Variants in MARCHF11 observed in about 807,000 individuals in gnomAD.
MARCHF11 encodes the protein E3 ubiquitin-protein ligase MARCHF11.
A neutral mutation model predicts 37.3 loss-of-function variants in MARCHF11; 29 were observed. The ratio of observed to expected loss-of-function variants is 0.78; its 90% CI spans 0.58 to 1.06. MARCHF11 has a LOEUF of 1.06. MARCHF11 is among the 50% of genes least tolerant of loss of function. The probability of loss-of-function intolerance (pLI) is 0.00; values close to 1 mark genes in which losing one functional copy is unlikely to be tolerated. For missense variants in MARCHF11, 482 were observed against 533.4 expected (o/e 0.90, Z 0.95); for synonymous variants, 233 against 228.0 (o/e 1.02, Z -0.20).
At position 16,160,384 on chromosome 5, in the gene MARCHF11, A is replaced by G. The variant is rs192858417; in HGVS notation, c.693+17342T>C. ...TTAATATATAAATATTAAATATAAT[A>G]ATATAATATATATTTATATAATTTT... On this transcript the variant is annotated intron_variant, in intron 2 of 3. Coordinates refer to ENST00000332432, the MANE Select transcript of MARCHF11 (RefSeq NM_001102562.3). Among the ~76,000 whole-genome samples, 1,296 of 145,232 alleles carry G rather than the reference A, an allele frequency of 8.9e-3. 10 individuals are homozygous for G. Among genetic ancestry groups the G allele is most frequent in the Non-Finnish European group, 0.015 (989 of 66,228 alleles).
chr5:16,179,269 C>G lies in MARCHF11; in HGVS notation c.307G>C (p.Gly103Arg). 7.6e-7 allele frequency: 1 copy of G among 1,310,436 alleles called. No homozygotes were observed. 81.2% of individuals were successfully genotyped at this position (1,310,436 alleles called of 1,614,324 possible). ...TCCGGGAGGCGCCTCGGACCTTCCCCGGAGTCGCCGGCCGCCGCCACTTCC... is the reference window on the plus strand; with the variant it reads ...TCCGGGAGGCGCCTCGGACCTTCCCGGGAGTCGCCGGCCGCCGCCACTTCC... ...GQEVAAAGDS[G>R]EGPRRLPEAA... is the part of the protein sequence containing the mutation. The change falls in exon 1 of 4, where the codon GGG (glycine) becomes CGG (arginine). Residue 103 changes from glycine (G) to arginine (R), a missense_variant. Transcript: ENST00000332432.
intron 2 of MARCHF11, among the ~76,000 whole-genome samples, chr5:16,149,128 C>T (rs1737850470): frequency 6.6e-6 from 1 of 152,068 alleles, no homozygotes; most frequent in South Asian, 2.1e-4. Flanking sequence ...ACTGCTAAAT[C>T]CCTTCTCATT....
chr5:16,067,329 T>C lies in MARCHF11; in HGVS notation c.*142A>G. ...ACTCTTTTTCTCAGAAAAATGTATTTGCAATTCAAATGTTCATATAAAAAG... is the reference window on the plus strand; with the variant it reads ...ACTCTTTTTCTCAGAAAAATGTATTCGCAATTCAAATGTTCATATAAAAAG... On this transcript the variant is annotated 3_prime_UTR_variant, in exon 4 of 4. Transcript: ENST00000332432. 1.4e-6 allele frequency: 1 copy of C among 713,310 alleles called. No individual in the cohort carries two copies. Among genetic ancestry groups the C allele is most frequent in the Non-Finnish European group, 2.3e-6 (1 of 442,148 alleles). The allele number at this position is 713,310 out of a possible 1,614,324, so 44.2% of individuals were successfully genotyped here.
intron 2 of MARCHF11, among the ~76,000 whole-genome samples, chr5:16,127,744 G>A (rs887208092): frequency 2.6e-5 from 4 of 152,162 alleles, no homozygotes; most frequent in African/African-American, 7.2e-5. Context: ...GGAGAGAAGA[G>A]GGGAGAAGAG....
intron 2 of MARCHF11, among the ~76,000 whole-genome samples, chr5:16,160,596 ATTC>A (rs1440497329): frequency 1.3e-5 from 2 of 151,536 alleles, no homozygotes; most frequent in African/African-American, 4.8e-5. Flanking sequence ...CATGCTTTAT[ATTC>A]TTAAGATAAT....
At chr5:16,139,977 T>C (rs550876505) in intron 2 of MARCHF11, among the ~76,000 whole-genome samples, 17 of 152,274 alleles carry the variant, frequency 1.1e-4, no homozygotes, top group African/African-American at 3.8e-4. Context: ...CAATACTTGC[T>C]GTTGACAATG....
At chr5:16,158,876 C>A (rs1431055024) in intron 2 of MARCHF11, among the ~76,000 whole-genome samples, 1 of 151,784 alleles carries the variant, frequency 6.6e-6, no homozygotes, top group Admixed American at 6.6e-5. Flanking sequence ...CCTCGACAGG[C>A]CCCAGTGTTT....
chr5:16,103,572 TG>T (rs1388889063), intron 2 of MARCHF11, among the ~76,000 whole-genome samples: 3 of 152,198 alleles, frequency 2.0e-5, no homozygotes, highest in Non-Finnish European at 4.4e-5. Flanking sequence ...TTTCCAAAGA[TG>T]GTTAAAATAA....
intron 2 of MARCHF11, among the ~76,000 whole-genome samples, chr5:16,151,649 A>ATGTGTGTGTGTGTGTG (rs58891017): frequency 1.4e-4 from 18 of 131,410 alleles, no homozygotes; most frequent in Non-Finnish European, 2.1e-4. Context: ...CGTGAGTTGA[A>ATGTGTGTGTGTGTGTG]TGTGTGTGTG....
Position 16,067,399 on chromosome 5 carries a change from G to C in MARCHF11, c.*72C>G, listed in dbSNP as rs1210389799. ...ATAGATGTGTTTTTAGAAGTGCTAT[G>C]GTTTTGCCATTCACTGCAATTACAT... On this transcript the variant is annotated 3_prime_UTR_variant, in exon 4 of 4. Coordinates refer to ENST00000332432, the MANE Select transcript of MARCHF11 (RefSeq NM_001102562.3). The C allele has an allele frequency of 1.7e-5, 23 of 1,378,192 alleles. No homozygotes were observed. Among genetic ancestry groups the C allele is most frequent in the Non-Finnish European group, 2.3e-5 (23 of 994,264 alleles). 85.4% of individuals were successfully genotyped at this position (1,378,192 alleles called of 1,614,324 possible).
intron 1 of MARCHF11, among the ~76,000 whole-genome samples, chr5:16,178,165 C>A (rs969318423): frequency 6.6e-6 from 1 of 152,216 alleles, no homozygotes; most frequent in African/African-American, 2.4e-5. Context: ...ACTATTAAAT[C>A]TCTTTAATAA....
At position 16,077,644 on chromosome 5, in the gene MARCHF11, T is replaced by C. The variant is rs76607575; in HGVS notation, c.887-9851A>G. On this transcript the variant is annotated intron_variant, in intron 3 of 3. Transcript: ENST00000332432. ...CTGCATGACATCAGTAAGATGCTTA[T>C]AATTAAAACTATTAATGAAATTTTT... Among the ~76,000 whole-genome samples, 553 of 152,330 alleles carry C rather than the reference T, an allele frequency of 3.6e-3. 2 individuals carry two copies. The highest frequency in any genetic ancestry group is 0.013 in the African/African-American group (529 of 41,590).
chr5:16,166,562 A>G (rs1738171509), intron 2 of MARCHF11, among the ~76,000 whole-genome samples: 1 of 151,842 alleles, frequency 6.6e-6, no homozygotes, highest in Non-Finnish European at 1.5e-5. Flanking sequence ...ATACAGAAAC[A>G]TTTACAAATA....
At chr5:16,165,144 A>T (rs1205041943) in intron 2 of MARCHF11, among the ~76,000 whole-genome samples, 1 of 152,056 alleles carries the variant, frequency 6.6e-6, no homozygotes, top group African/African-American at 2.4e-5. Context: ...AATTTTTCAA[A>T]GGTAGGATCA....
In MARCHF11 at chr5:16,095,417, G is replaced by T. The variant is rs568563201; in HGVS notation, c.694-4336C>A. 6.0e-5 allele frequency among the ~76,000 whole-genome samples: 9 copies of T among 149,278 alleles called. No homozygotes were observed. The East Asian group carries it at 1.2e-3, about 20-fold the overall frequency. On this transcript the variant is annotated intron_variant, in intron 2 of 3. Coordinates refer to ENST00000332432, the MANE Select transcript of MARCHF11 (RefSeq NM_001102562.3). ...AGTGTCTGGAAGAAGGATCAAAAAGGGATGGAGGGCGATTAAGAGGAAGAG... is the reference window on the plus strand; with the variant it reads ...AGTGTCTGGAAGAAGGATCAAAAAGTGATGGAGGGCGATTAAGAGGAAGAG...
intron 2 of MARCHF11, among the ~76,000 whole-genome samples, chr5:16,127,726 A>G (rs929123301): frequency 1.3e-5 from 2 of 152,194 alleles, no homozygotes; most frequent in Admixed American, 6.5e-5. Context: ...CATGCCTAGT[A>G]TGTTGTAGGA....
At chr5:16,086,359 G>C (rs1230579088) in intron 3 of MARCHF11, among the ~76,000 whole-genome samples, 5 of 152,288 alleles carry the variant, frequency 3.3e-5, no homozygotes, top group African/African-American at 1.2e-4. Context: ...TGTGAGTTAA[G>C]TGGTCTTTTT....
intron 2 of MARCHF11, among the ~76,000 whole-genome samples, chr5:16,170,553 G>T (rs1183718377): frequency 6.6e-6 from 1 of 152,088 alleles, no homozygotes; most frequent in East Asian, 1.9e-4. Flanking sequence ...TATGAGTAAT[G>T]AATGCGATTT....
chr5:16,105,444 G>T (rs62350163), intron 2 of MARCHF11, among the ~76,000 whole-genome samples: 24,232 of 152,130 alleles, frequency 0.16, 2,121 homozygotes, highest in East Asian at 0.29. Context: ...GGGTTTTATG[G>T]TATTAATAAA....
Sources: allele counts gnomAD v4.1 joint callset (sites outside exome capture counted in the v4.1 genomes callset), GRCh38; gene constraint gnomAD v4.1.1; transcripts MANE v1.5; gene names NCBI Gene and HGNC (gene_info 2026-07-23, HGNC 2026-07-21).